Variants in CYP7B1 observed in about 807,000 individuals in gnomAD.
CYP7B1 encodes cytochrome P450 7B1.
CYP7B1 carries 29 observed loss-of-function variants against 42.7 expected under a neutral mutation model. That is an observed-to-expected ratio of 0.68 (90% CI 0.51 to 0.93). CYP7B1 has a LOEUF of 0.93. Ranked by LOEUF, CYP7B1 falls within the 40% of genes least tolerant of loss-of-function variation. The pLI, the probability that CYP7B1 is intolerant of heterozygous loss-of-function variation, is 0.00. For missense variants in CYP7B1, 655 were observed against 600.5 expected, an observed-to-expected ratio of 1.09 and a Z score of -0.95; for synonymous variants, 235 against 218.2, an observed-to-expected ratio of 1.08 and a Z score of -0.68.
intron 4 of CYP7B1, 131 bp from the exon 5 acceptor site, chr8:64,604,988 G>T: frequency 9.2e-7 from 1 of 1,092,356 alleles, no homozygotes; most frequent in Non-Finnish European, 1.3e-6. Flanking sequence ...CATACATTGA[G>T]CACCAAGAGG....
Position 64,591,372 on chromosome 8 carries a change from A to C in CYP7B1, c.*5270T>G, listed in dbSNP as rs1805030549. 6.6e-6 allele frequency among the ~76,000 whole-genome samples: 1 copy of C among 152,236 alleles called. No individual in the cohort carries two copies. Among genetic ancestry groups the C allele is most frequent in the African/African-American group, 2.4e-5 (1 of 41,480 alleles). Reference sequence around the variant, plus strand: ...TATGAGTATCTAATTATGCAATACAAGTAAACAATAGTTTGCAAGATTGGC... The same window carrying C: ...TATGAGTATCTAATTATGCAATACACGTAAACAATAGTTTGCAAGATTGGC... On this transcript the variant is annotated 3_prime_UTR_variant, in exon 6 of 6. Transcript: ENST00000310193.
chr8:64,680,816 G>T (rs2129631935), intron 1 of CYP7B1, among the ~76,000 whole-genome samples: 1 of 152,256 alleles, frequency 6.6e-6, no homozygotes, highest in East Asian at 1.9e-4. Flanking sequence ...AGAAAGTAAG[G>T]TTTTCCTTAG....
intron 1 of CYP7B1, among the ~76,000 whole-genome samples, chr8:64,761,756 G>C (rs887801774): frequency 6.6e-6 from 1 of 152,110 alleles, no homozygotes; most frequent in African/African-American, 2.4e-5. Flanking sequence ...AATATATTTA[G>C]GAGTTGGTCT....
chr8:64,763,401 A>ATCTTGGGAGCAGCCCGCCACCG (rs1365310069), intron 1 of CYP7B1, among the ~76,000 whole-genome samples: 14 of 152,162 alleles, frequency 9.2e-5, no homozygotes, highest in African/African-American at 3.4e-4. Context: ...GGATGCCACC[A>ATCTTGGGAGCAGCCCGCCACCG]TCTTGGGAGC....
At chr8:64,778,533 GTGCAA>G in intron 1 of CYP7B1, among the ~76,000 whole-genome samples, 1 of 152,064 alleles carries the variant, frequency 6.6e-6, no homozygotes, top group African/African-American at 2.4e-5. Flanking sequence ...GCTACTCTAA[GTGCAA>G]TAGTAACTGC....
At position 64,604,743 on chromosome 8, in the gene CYP7B1, T is replaced by A; in HGVS notation, c.1172A>T (p.Asp391Val). The A allele has an allele frequency of 6.2e-7, 1 of 1,614,096 alleles. No homozygotes were observed. Among genetic ancestry groups the A allele is most frequent in the Non-Finnish European group, 8.5e-7 (1 of 1,180,024 alleles). ...GACTGGAGGAAAGATGGCTACCAAG[T>A]CTCCCTTTCGCACACAGTAGTCCCC... Reference protein sequence around the residue: ...ETGDYCVRKGDLVAIFPPVLH... With the variant: ...ETGDYCVRKGVLVAIFPPVLH... The change falls in exon 5 of 6, where the codon GAC becomes GTC. Residue 391 changes from aspartate to valine, a missense_variant. Physicochemically the swap from Asp to Val is radical, Grantham distance 152. Coordinates refer to ENST00000310193, the MANE Select transcript of CYP7B1 (RefSeq NM_004820.5).
chr8:64,794,263 G>A (rs1253194889), intron 1 of CYP7B1, among the ~76,000 whole-genome samples: 3 of 152,190 alleles, frequency 2.0e-5, no homozygotes, highest in Admixed American at 1.3e-4. Context: ...CCCTGGACAT[G>A]TGCATCTTCA....
At chr8:64,693,356 C>T (rs1806776717) in intron 1 of CYP7B1, among the ~76,000 whole-genome samples, 1 of 152,112 alleles carries the variant, frequency 6.6e-6, no homozygotes, top group Admixed American at 6.5e-5. Context: ...TGCATACAGG[C>T]ATGTGTCTTT....
At chr8:64,648,809 T>C (rs1235566111) in intron 1 of CYP7B1, among the ~76,000 whole-genome samples, 1 of 152,182 alleles carries the variant, frequency 6.6e-6, no homozygotes, top group Non-Finnish European at 1.5e-5. Context: ...GAATGGGATA[T>C]GGAAGAGTCA....
At chr8:64,727,416 G>GTA (rs1234221378) in intron 1 of CYP7B1, among the ~76,000 whole-genome samples, 2 of 152,002 alleles carry the variant, frequency 1.3e-5, no homozygotes, top group African/African-American at 2.4e-5. Context: ...ATCTTTTAAT[G>GTA]TATATATAGT....
chr8:64,608,306 T>A (rs1157113076), intron 4 of CYP7B1, among the ~76,000 whole-genome samples: 1 of 152,234 alleles, frequency 6.6e-6, no homozygotes, highest in Non-Finnish European at 1.5e-5. Context: ...ATTTGCAGAT[T>A]TACAGCACTA....
chr8:64,622,580 G>A (rs1805547614), intron 2 of CYP7B1, among the ~76,000 whole-genome samples: 1 of 152,114 alleles, frequency 6.6e-6, no homozygotes, highest in South Asian at 2.1e-4. Flanking sequence ...ACTAGAGATA[G>A]CAAATATATG....
chr8:64,639,169 A>C (rs1585823989), intron 1 of CYP7B1, among the ~76,000 whole-genome samples: 1 of 152,196 alleles, frequency 6.6e-6, no homozygotes, highest in East Asian at 1.9e-4. Flanking sequence ...TAAAAAAAAA[A>C]ATTTACCATT....
At chr8:64,679,784 A>G (rs1301978588) in intron 1 of CYP7B1, among the ~76,000 whole-genome samples, 1 of 152,172 alleles carries the variant, frequency 6.6e-6, no homozygotes, top group Non-Finnish European at 1.5e-5. Flanking sequence ...GGTGTGTTTG[A>G]AGATAAGTAT....
At chr8:64,679,118 C>T (rs1011904417) in intron 1 of CYP7B1, among the ~76,000 whole-genome samples, 1 of 152,112 alleles carries the variant, frequency 6.6e-6, no homozygotes, top group African/African-American at 2.4e-5. Context: ...TAAAATTCCA[C>T]TTCATCAAGA....
chr8:64,606,317 A>T (rs973514787), intron 4 of CYP7B1, among the ~76,000 whole-genome samples: 2 of 152,236 alleles, frequency 1.3e-5, no homozygotes, highest in Non-Finnish European at 2.9e-5. Flanking sequence ...AACACCAAGG[A>T]CCAACATTTC....
At chr8:64,787,147 C>T (rs1265729145) in intron 1 of CYP7B1, among the ~76,000 whole-genome samples, 1 of 152,228 alleles carries the variant, frequency 6.6e-6, no homozygotes, top group Non-Finnish European at 1.5e-5. Context: ...TCTCCAACGC[C>T]CTGCAGACAT....
At chr8:64,713,199 T>C (rs755718410) in intron 1 of CYP7B1, among the ~76,000 whole-genome samples, 6 of 152,134 alleles carry the variant, frequency 3.9e-5, no homozygotes, top group Non-Finnish European at 7.4e-5. Context: ...GACCCACCCT[T>C]AAATGCAAAT....
chr8:64,743,262 T>C (rs866642396), intron 1 of CYP7B1, among the ~76,000 whole-genome samples: 1 of 152,180 alleles, frequency 6.6e-6, no homozygotes, highest in Non-Finnish European at 1.5e-5. Flanking sequence ...AAAAAAGGGA[T>C]GCTAGAAATA....
Sources: allele counts gnomAD v4.1 joint callset (sites outside exome capture counted in the v4.1 genomes callset), GRCh38; gene constraint gnomAD v4.1.1; transcripts MANE v1.5; gene names NCBI Gene and HGNC (gene_info 2026-07-23, HGNC 2026-07-21).